The following VCAN variants were observed in gnomAD, a reference collection of about 807,000 sequenced individuals.
VCAN encodes the protein versican core protein.
In VCAN, 44 loss-of-function variants were observed where a neutral mutation model predicts 245.5. The observed-to-expected ratio is 0.18, with a 90% CI of 0.14 to 0.23. VCAN has a LOEUF of 0.23. Ranked by LOEUF, VCAN falls within the 10% of genes least tolerant of loss-of-function variation. The probability of loss-of-function intolerance (pLI) is 1.00; values close to 1 mark genes in which losing one functional copy is unlikely to be tolerated. For synonymous variants in VCAN, 1,413 were observed against 1,437.0 expected, an observed-to-expected ratio of 0.98 and a Z score of 0.38; for missense variants, 3,793 against 4,057.9, an observed-to-expected ratio of 0.93 and a Z score of 1.77.
At chr5:83,573,167 G>A (rs1291339414) in intron 13 of VCAN, among the ~76,000 whole-genome samples, 1 of 151,858 alleles carries the variant, frequency 6.6e-6, no homozygotes, top group Non-Finnish European at 1.5e-5. Context: ...CAAAGTGCTG[G>A]GATTACAGGC....
At chr5:83,477,995 T>C (rs1220615087) in intron 1 of VCAN, among the ~76,000 whole-genome samples, 1 of 149,698 alleles carries the variant, frequency 6.7e-6, no homozygotes, top group Non-Finnish European at 1.5e-5. Flanking sequence ...CAGGTTGGAG[T>C]GCAGTGGCAC....
At chr5:83,533,285 A>T (rs1212562489) in intron 7 of VCAN, among the ~76,000 whole-genome samples, 2 of 152,152 alleles carry the variant, frequency 1.3e-5, no homozygotes, top group African/African-American at 2.4e-5. Flanking sequence ...TGGAGAAAGG[A>T]ATCCTAATCT....
In VCAN at chr5:83,489,427, G is replaced by T. The variant is rs140799990; in HGVS notation, c.71-671G>T. On this transcript the variant is annotated intron_variant, in intron 2 of 14. Coordinates refer to ENST00000265077, the MANE Select transcript of VCAN (RefSeq NM_004385.5). The stretch of plus-strand genomic sequence containing the variant: ...ATTCTGCAGATAAATATTTTAGGAC[G>T]GTTAGGTGAACAGAAACCAACCTTT... Among the ~76,000 whole-genome samples the T allele has an allele frequency of 4.6e-5, 7 of 152,228 alleles. 1 individual carries two copies.
intron 1 of VCAN, among the ~76,000 whole-genome samples, chr5:83,477,139 A>G (rs1179228072): frequency 6.6e-6 from 1 of 152,176 alleles, no homozygotes; most frequent in Non-Finnish European, 1.5e-5. Context: ...TATTAAATGA[A>G]TATGCAGTTA....
intron 12 of VCAN, among the ~76,000 whole-genome samples, chr5:83,567,089 C>G (rs1748109079): frequency 6.6e-6 from 1 of 151,988 alleles, no homozygotes; most frequent in Non-Finnish European, 1.5e-5. Context: ...GTGACTGATT[C>G]CAGCTTAATC....
rs891220535 is a variant in VCAN, at chr5:83,499,339, A to C, written c.748+5408A>C. On this transcript the variant is annotated intron_variant, in intron 5 of 14. Transcript: ENST00000265077. ...AGTAGAGATAAGACCATAAACTTCT[A>C]TATGTTTCCCAACTGCAATCAAGAG... Among the ~76,000 whole-genome samples, 5 of 152,250 alleles carry C rather than the reference A, an allele frequency of 3.3e-5. 1 individual carries two copies. Among genetic ancestry groups the C allele is most frequent in the East Asian group, 3.9e-4 (2 of 5,172 alleles).
At chr5:83,472,924 C>T (rs1744246249) in intron 1 of VCAN, among the ~76,000 whole-genome samples, 1 of 152,178 alleles carries the variant, frequency 6.6e-6, no homozygotes, top group Non-Finnish European at 1.5e-5. Flanking sequence ...ACAAGCAAAC[C>T]GGCACCCAGA....
chr5:83,483,143 A>G (rs1347118163), intron 1 of VCAN, among the ~76,000 whole-genome samples: 1 of 152,078 alleles, frequency 6.6e-6, no homozygotes, highest in East Asian at 1.9e-4. Flanking sequence ...GTGGTCACCC[A>G]TTTCTTTTTG....
At chr5:83,552,512 T>C (rs1268871702) in intron 10 of VCAN, among the ~76,000 whole-genome samples, 2 of 152,184 alleles carry the variant, frequency 1.3e-5, no homozygotes, top group Non-Finnish European at 2.9e-5. Context: ...CAATGCCACT[T>C]TCTTGTGGAA....
intron 12 of VCAN, 70 bp downstream of exon 12, chr5:83,555,108 T>C: frequency 1.4e-6 from 2 of 1,463,072 alleles, no homozygotes; most frequent in Non-Finnish European, 1.9e-6. Context: ...TGATTGTGCA[T>C]TACAGAGGGT....
intron 7 of VCAN, among the ~76,000 whole-genome samples, chr5:83,530,867 C>T (rs886484194): frequency 2.0e-5 from 3 of 151,964 alleles, no homozygotes; most frequent in African/African-American, 7.2e-5. Flanking sequence ...TTCCTTCATC[C>T]TGGGGCATCA....
rs754880024 is a variant in VCAN, at chr5:83,580,112, G to A, written c.10013G>A (p.Arg3338Gln). ...ATTCAACGTCACCTTCCAACTATCC[G>A]GTGCTTAGGAAATGGAAGATGGGCT... is the stretch of plus-strand genomic sequence containing the variant. Reference protein sequence around the residue: ...GFIQRHLPTIRCLGNGRWAIP... With the variant: ...GFIQRHLPTIQCLGNGRWAIP... The change falls in exon 14 of 15, where the codon CGG becomes CAG. Residue 3338 changes from arginine to glutamine, a missense_variant. Arg to Gln is a conservative substitution (Grantham distance 43, BLOSUM62 1). Around this residue, in one of 5 missense-constraint regions of VCAN, gnomAD observed 205 missense variants for 321.1 expected, o/e 0.64. Coordinates refer to ENST00000265077, the MANE Select transcript of VCAN (RefSeq NM_004385.5). 48 of 1,613,882 alleles carry A rather than the reference G, an allele frequency of 3.0e-5. No individual in the cohort carries two copies. The highest frequency in any genetic ancestry group is 3.3e-4 in the Middle Eastern group (2 of 6,084).
intron 10 of VCAN, among the ~76,000 whole-genome samples, chr5:83,552,382 G>A (rs1248384851): frequency 1.3e-5 from 2 of 152,150 alleles, no homozygotes; most frequent in Non-Finnish European, 2.9e-5. Context: ...CTGCAGTTTT[G>A]TTAGTTTTTA....
intron 13 of VCAN, among the ~76,000 whole-genome samples, chr5:83,573,656 A>G (rs1056794783): frequency 6.6e-6 from 1 of 152,228 alleles, no homozygotes; most frequent in African/African-American, 2.4e-5. Flanking sequence ...TAAAATAAAT[A>G]GACAATAAAA....
intron 2 of VCAN, among the ~76,000 whole-genome samples, chr5:83,487,864 A>C (rs1218923966): frequency 2.0e-5 from 3 of 152,152 alleles, no homozygotes; most frequent in Non-Finnish European, 4.4e-5. Flanking sequence ...GTCTGTCCCT[A>C]TATACTTCAA....
intron 5 of VCAN, among the ~76,000 whole-genome samples, chr5:83,509,107 A>G (rs987603958): frequency 5.3e-5 from 8 of 152,144 alleles, no homozygotes; most frequent in African/African-American, 1.9e-4. Context: ...GAAGGAAGGA[A>G]GGAAAGAAAG....
rs760629118 is a variant in VCAN, at chr5:83,541,622, A to G, written c.8619A>G (p.Glu2873=). The change falls in exon 8 of 15, where the codon GAA becomes GAG. Residue 2873 remains glutamate (E), a synonymous_variant. Transcript: ENST00000265077. The part of the protein sequence containing the change: ...DSFKEIHVNI[E]ATFKPSSEEY... The stretch of plus-strand genomic sequence containing the variant: ...TTAAGGAAATTCATGTAAATATTGA[A>G]GCGACTTTCAAACCATCAAGTGAGG... The G allele has an allele frequency of 4.3e-6, 7 of 1,613,864 alleles. No individual in the cohort carries two copies. Among genetic ancestry groups the G allele is most frequent in the Admixed American group, 1.7e-5 (1 of 59,986 alleles).
chr5:83,487,303 C>G (rs1744825792), intron 2 of VCAN, among the ~76,000 whole-genome samples: 1 of 152,156 alleles, frequency 6.6e-6, no homozygotes, highest in South Asian at 2.1e-4. Context: ...ATCATCTTTA[C>G]TCTAAGGAAT....
Position 83,542,137 on chromosome 5 carries a change from C to A in VCAN, c.9134C>A (p.Thr3045Lys), listed in dbSNP as rs73148633. ...ATTCTTGATTCCAATGATCAGGCAACAGTAAACCCTGTGGAATTTAATACT... is the reference window on the plus strand; with the variant it reads ...ATTCTTGATTCCAATGATCAGGCAAAAGTAAACCCTGTGGAATTTAATACT... ...ARILDSNDQA[T>K]VNPVEFNTEV... Residue 3045 changes from threonine (T) to lysine (K), a missense_variant, in exon 8 of 15, where the codon ACA becomes AAA. This residue lies in a region of VCAN where 3,182 missense variants were observed against 3,250.3 expected (regional missense o/e 0.98). Coordinates refer to ENST00000265077, the MANE Select transcript of VCAN (RefSeq NM_004385.5). 1.2e-6 allele frequency: 2 copies of A among 1,614,100 alleles called. No homozygotes were observed. The highest frequency in any genetic ancestry group is 2.2e-5 in the South Asian group (2 of 91,086).
Sources: allele counts gnomAD v4.1 joint callset (sites outside exome capture counted in the v4.1 genomes callset), GRCh38; gene constraint gnomAD v4.1.1; regional missense constraint gnomAD v4.1.1; transcripts MANE v1.5; gene names NCBI Gene and HGNC (gene_info 2026-07-23, HGNC 2026-07-21).